LRRTM4: variants seen among roughly 807,000 people sequenced by gnomAD.
LRRTM4 encodes leucine-rich repeat transmembrane neuronal protein 4.
Under a neutral mutation model 47.6 loss-of-function variants are expected in LRRTM4, and 25 were observed. The ratio of observed to expected loss-of-function variants is 0.53; its 90% CI spans 0.38 to 0.73. The LOEUF is 0.73. LRRTM4 is among the 30% of genes least tolerant of loss of function. LRRTM4 has a pLI of 0.00. For missense variants in LRRTM4, 638 were observed against 713.4 expected, an observed-to-expected ratio of 0.89 and a Z score of 1.20; for synonymous variants, 311 against 269.5, an observed-to-expected ratio of 1.15 and a Z score of -1.51.
At chr2:77,520,332 C>CT (rs778345059) in intron 2 of LRRTM4, among the ~76,000 whole-genome samples, 6 of 152,044 alleles carry the variant, frequency 3.9e-5, no homozygotes, top group Non-Finnish European at 8.8e-5. Flanking sequence ...GGCAAAAGAG[C>CT]TTCAGTAAGC....
rs866680459 is a variant in LRRTM4, at chr2:77,083,794, T to G, written c.1552-334878A>C. On this transcript the variant is annotated intron_variant, in intron 3 of 3. Coordinates refer to ENST00000409884, the MANE Select transcript of LRRTM4 (RefSeq NM_001134745.3). ...TTTAACTGGACACACTTTTTTTTTT[T>G]TTTTTTTTTTTTTTTTTTTTTTTTT... Among the ~76,000 whole-genome samples the G allele has an allele frequency of 2.3e-3, 201 of 87,126 alleles. 1 individual carries two copies. The highest frequency in any genetic ancestry group is 7.7e-3 in the African/African-American group (165 of 21,330). The allele number at this position is 87,126 out of a possible 152,430, so 57.2% of individuals were successfully genotyped here.
intron 3 of LRRTM4, among the ~76,000 whole-genome samples, chr2:77,262,686 C>G (rs896213600): frequency 6.6e-6 from 1 of 151,688 alleles, no homozygotes; most frequent in Admixed American, 6.6e-5. Context: ...TAATATTTGT[C>G]TCATGGTTAA....
intron 3 of LRRTM4, among the ~76,000 whole-genome samples, chr2:76,966,373 G>A (rs191475779): frequency 3.2e-4 from 49 of 151,358 alleles, no homozygotes; most frequent in African/African-American, 1.2e-3. Context: ...AGGGGGTTAG[G>A]AGTAATTACA....
At chr2:77,440,883 G>A (rs537613753) in intron 3 of LRRTM4, among the ~76,000 whole-genome samples, 1 of 152,294 alleles carries the variant, frequency 6.6e-6, no homozygotes, top group African/African-American at 2.4e-5. Flanking sequence ...TATTTTAATA[G>A]AACAGTCTTT....
intron 3 of LRRTM4, among the ~76,000 whole-genome samples, chr2:76,848,518 C>G (rs1207733243): frequency 6.6e-6 from 1 of 151,938 alleles, no homozygotes; most frequent in East Asian, 1.9e-4. Context: ...ATTTTCTGTT[C>G]AGGTTTTTAA....
At chr2:77,014,710 GC>G (rs1677997169) in intron 3 of LRRTM4, among the ~76,000 whole-genome samples, 2 of 152,034 alleles carry the variant, frequency 1.3e-5, no homozygotes, top group South Asian at 4.2e-4. Flanking sequence ...TACCTGGGAG[GC>G]TGAAGCAGGA....
chr2:77,295,414 C>A (rs915076946), intron 3 of LRRTM4, among the ~76,000 whole-genome samples: 7 of 152,068 alleles, frequency 4.6e-5, no homozygotes, highest in African/African-American at 1.7e-4. Context: ...TAGTTAGGAG[C>A]TCTTACGTTT....
chr2:76,923,375 A>T (rs1558740731), intron 3 of LRRTM4, among the ~76,000 whole-genome samples: 1 of 152,006 alleles, frequency 6.6e-6, no homozygotes, highest in Non-Finnish European at 1.5e-5. Context: ...GCCATTATTA[A>T]AAATAAAATT....
rs568318621 is a variant in LRRTM4, at chr2:76,808,627, C to CTT, written c.1552-59713_1552-59712dup. Among the ~76,000 whole-genome samples the CTT allele has an allele frequency of 7.8e-4, 118 of 152,244 alleles. 1 individual carries two copies. Among genetic ancestry groups the CTT allele is most frequent in the Non-Finnish European group, 8.1e-4 (55 of 68,010 alleles). ...TTAACATTTTTTATCTTTTAGCACA[C>CTT]TTTTATTTTCTTAAAGGTAAAAACC... On this transcript the variant is annotated intron_variant, in intron 3 of 3. Transcript: ENST00000409884.
chr2:76,953,105 C>T (rs1187848065), intron 3 of LRRTM4, among the ~76,000 whole-genome samples: 4 of 151,246 alleles, frequency 2.6e-5, no homozygotes, highest in Non-Finnish European at 5.9e-5. Flanking sequence ...ATACAATATA[C>T]TAGTGTAACA....
chr2:76,903,405 G>A (rs143565267), intron 3 of LRRTM4, among the ~76,000 whole-genome samples: 1,708 of 151,042 alleles, frequency 0.011, 36 homozygotes, highest in African/African-American at 0.039. Flanking sequence ...GTGTGGTGGC[G>A]GGCGCCTGTA....
chr2:77,104,605 C>G (rs1446982636), intron 3 of LRRTM4, among the ~76,000 whole-genome samples: 1 of 152,072 alleles, frequency 6.6e-6, no homozygotes, highest in Non-Finnish European at 1.5e-5. Context: ...GTGCTAAAGA[C>G]CCAGACAGAT....
intron 3 of LRRTM4, among the ~76,000 whole-genome samples, chr2:77,083,327 T>G (rs1444760416): frequency 6.6e-6 from 1 of 152,034 alleles, no homozygotes; most frequent in Non-Finnish European, 1.5e-5. Context: ...TCCTGAGGAG[T>G]GCTGATGATT....
At chr2:77,005,869 C>A (rs1677623795) in intron 3 of LRRTM4, among the ~76,000 whole-genome samples, 1 of 152,118 alleles carries the variant, frequency 6.6e-6, no homozygotes, top group Non-Finnish European at 1.5e-5. Flanking sequence ...CTAAACACTT[C>A]ACAAATATTA....
Position 77,307,527 on chromosome 2 carries a change from T to TA in LRRTM4, c.1551+210790dup, listed in dbSNP as rs67621975. 4.8e-3 allele frequency among the ~76,000 whole-genome samples: 660 copies of TA among 137,574 alleles called. 20 individuals are homozygous for TA. Among genetic ancestry groups the TA allele is most frequent in the East Asian group, 0.016 (68 of 4,168 alleles). 90.3% of individuals were successfully genotyped at this position (137,574 alleles called of 152,430 possible). ...TACACACACACTACATATAGATATA[T>TA]AATATATAGATATATCTATATATTA... is the stretch of plus-strand genomic sequence containing the variant. On this transcript the variant is annotated intron_variant, in intron 3 of 3. Coordinates refer to ENST00000409884, the MANE Select transcript of LRRTM4 (RefSeq NM_001134745.3).
chr2:76,839,193 T>C (rs1396795440), intron 3 of LRRTM4, among the ~76,000 whole-genome samples: 1 of 152,082 alleles, frequency 6.6e-6, no homozygotes, highest in Non-Finnish European at 1.5e-5. Flanking sequence ...TGCTCTCCAA[T>C]GATTGTTGAC....
chr2:77,478,108 CA>C (rs201534113), intron 3 of LRRTM4, among the ~76,000 whole-genome samples: 1 of 152,098 alleles, frequency 6.6e-6, no homozygotes, highest in Non-Finnish European at 1.5e-5. Flanking sequence ...TTTACAGAAT[CA>C]AAAGCTGTCC....
chr2:77,194,626 T>A (rs1673762747), intron 3 of LRRTM4, among the ~76,000 whole-genome samples: 1 of 152,176 alleles, frequency 6.6e-6, no homozygotes, highest in Admixed American at 6.6e-5. Context: ...TCCTGTCTCA[T>A]CTGGCTACAA....
Position 77,415,141 on chromosome 2 carries a change from A to C in LRRTM4, c.1551+103177T>G, listed in dbSNP as rs375335354. Among the ~76,000 whole-genome samples, 10 of 152,342 alleles carry C rather than the reference A, an allele frequency of 6.6e-5. No individual in the cohort carries two copies. The South Asian group carries it at 1.0e-3, about 16-fold the overall frequency. The stretch of plus-strand genomic sequence containing the variant: ...TCACTGAAAAATTACTTAAGAAGAC[A>C]TAAGTTTGCTCACTTTATCCAAATA... On this transcript the variant is annotated intron_variant, in intron 3 of 3. Coordinates refer to ENST00000409884, the MANE Select transcript of LRRTM4 (RefSeq NM_001134745.3).
Sources: allele counts gnomAD v4.1 joint callset (sites outside exome capture counted in the v4.1 genomes callset), GRCh38; gene constraint gnomAD v4.1.1; transcripts MANE v1.5; gene names NCBI Gene and HGNC (gene_info 2026-07-23, HGNC 2026-07-21).